ANO4: variants seen among roughly 807,000 people sequenced by gnomAD.
The protein encoded by ANO4 is anoctamin-4.
Under a neutral mutation model 141.9 loss-of-function variants are expected in ANO4, and 69 were observed. The observed-to-expected ratio is 0.49, with a 90% CI of 0.40 to 0.59. The LOEUF is 0.59. ANO4 is among the 20% of genes least tolerant of loss of function. ANO4 has a pLI of 0.00. For missense variants in ANO4, 894 were observed against 1,162.2 expected (o/e 0.77, Z 3.36); for synonymous variants, 350 against 394.3 (o/e 0.89, Z 1.33).
chr12:100,865,533 C>T (rs760755616), intron 1 of ANO4, among the ~76,000 whole-genome samples: 19 of 152,094 alleles, frequency 1.2e-4, no homozygotes, highest in Non-Finnish European at 2.1e-4. Flanking sequence ...GACATTTATG[C>T]GGCCAACAAA....
intron 22 of ANO4, among the ~76,000 whole-genome samples, chr12:101,104,607 GTGTGTGTGTATGTA>G (rs539899246): frequency 0.086 from 7,189 of 83,712 alleles, 717 homozygotes; most frequent in African/African-American, 0.32. Flanking sequence ...GTGTGTGTGT[GTGTGTGTGTATGTA>G]TGTGTGTATA....
intron 2 of ANO4, among the ~76,000 whole-genome samples, chr12:100,909,908 CA>C (rs2041024540): frequency 6.6e-6 from 1 of 152,116 alleles, no homozygotes; most frequent in Non-Finnish European, 1.5e-5. Flanking sequence ...AAATTAAATA[CA>C]ATGTTCCCAA....
intron 15 of ANO4, among the ~76,000 whole-genome samples, chr12:101,081,457 C>T (rs945595129): frequency 6.6e-6 from 1 of 152,134 alleles, no homozygotes; most frequent in Non-Finnish European, 1.5e-5. Flanking sequence ...TGATAAAAAG[C>T]GTGGAGTGCT....
chr12:100,718,488 G>A (rs1246130860), intron 1 of ANO4, among the ~76,000 whole-genome samples: 1 of 152,192 alleles, frequency 6.6e-6, no homozygotes, highest in Non-Finnish European at 1.5e-5. Context: ...CAAAGCCTGG[G>A]ATGGGTGGGA....
At chr12:100,775,783 C>A (rs190970847) in intron 3 of ANO4, among the ~76,000 whole-genome samples, 1 of 151,984 alleles carries the variant, frequency 6.6e-6, no homozygotes, top group Non-Finnish European at 1.5e-5. Flanking sequence ...CAGATTTTTT[C>A]TTCCTATTAC....
At chr12:100,756,282 A>T (rs556304335) in intron 3 of ANO4, among the ~76,000 whole-genome samples, 1 of 152,358 alleles carries the variant, frequency 6.6e-6, no homozygotes, top group Admixed American at 6.5e-5. Context: ...GCCTTCCTAC[A>T]TAATAAGCAG....
intron 3 of ANO4, among the ~76,000 whole-genome samples, chr12:100,760,858 G>C (rs2032827327): frequency 6.6e-6 from 1 of 152,140 alleles, no homozygotes; most frequent in Admixed American, 6.5e-5. Context: ...TTTTGGGCTT[G>C]TTTGGATAGC....
intron 9 of ANO4, among the ~76,000 whole-genome samples, chr12:101,036,277 AAAAC>A (rs1247857818): frequency 2.6e-5 from 4 of 152,184 alleles, no homozygotes; most frequent in Admixed American, 2.6e-4. Flanking sequence ...GCTGTGATGA[AAAAC>A]AATATAGAGG....
intron 15 of ANO4, among the ~76,000 whole-genome samples, chr12:101,080,107 T>C (rs1387683904): frequency 1.3e-5 from 2 of 152,206 alleles, no homozygotes; most frequent in Admixed American, 6.5e-5. Context: ...ACCACTCATA[T>C]GTGTAATAGT....
chr12:100,918,586 C>T lies in ANO4; in HGVS notation c.56-3640C>T, dbSNP rs190989521. 5.3e-5 allele frequency among the ~76,000 whole-genome samples: 8 copies of T among 152,256 alleles called. No homozygotes were observed. The South Asian group carries it at 6.2e-4, about 12-fold the overall frequency. On this transcript the variant is annotated intron_variant, in intron 2 of 27. Transcript: ENST00000392977. The stretch of plus-strand genomic sequence containing the variant: ...TATAATGGAGCTGAAAAATTCCTAT[C>T]GCCTAGTGATGTTGCAGGTGTTGTA...
chr12:100,924,166 G>A (rs1016164929), intron 3 of ANO4, among the ~76,000 whole-genome samples: 5 of 152,096 alleles, frequency 3.3e-5, no homozygotes, highest in Middle Eastern at 3.4e-3. Flanking sequence ...GTCAATTTTG[G>A]CGTTTGTTGC....
At chr12:100,750,157 G>A (rs1197731152) in intron 3 of ANO4, among the ~76,000 whole-genome samples, 1 of 150,170 alleles carries the variant, frequency 6.7e-6, no homozygotes, top group Non-Finnish European at 1.5e-5. Flanking sequence ...TTTCTTTTTA[G>A]ACAGTCTCAC....
At position 100,909,919 on chromosome 12, in the gene ANO4, A is replaced by T. The variant is rs146101795; in HGVS notation, c.55+8079A>T. Among the ~76,000 whole-genome samples, 37 of 152,314 alleles carry T rather than the reference A, an allele frequency of 2.4e-4. No individual in the cohort carries two copies. The East Asian group carries it at 5.0e-3, about 21-fold the overall frequency. On this transcript the variant is annotated intron_variant, in intron 2 of 27. Transcript: ENST00000392977. ...TGCCAAATTAAATACAATGTTCCCA[A>T]TTAAATTTAAATTTCAGATAAACAA...
chr12:100,776,379 T>C (rs1356951746), intron 3 of ANO4, among the ~76,000 whole-genome samples: 1 of 152,150 alleles, frequency 6.6e-6, no homozygotes, highest in African/African-American at 2.4e-5. Flanking sequence ...AGAGCTTGGA[T>C]AAGTTAATGG....
intron 3 of ANO4, among the ~76,000 whole-genome samples, chr12:100,925,812 T>C (rs866554849): frequency 1.4e-5 from 2 of 147,880 alleles, no homozygotes; most frequent in Admixed American, 6.8e-5. Context: ...TATACATACA[T>C]ATACATACAT....
At chr12:101,096,740 T>A in intron 19 of ANO4, 93 bp downstream of exon 19, 1 of 941,574 alleles carries the variant, frequency 1.1e-6, no homozygotes, top group Non-Finnish European at 1.7e-6. Flanking sequence ...TCCCTTAGGG[T>A]GATTTATACA....
chr12:101,088,454 TTTTG>T (rs1315070846), intron 17 of ANO4, among the ~76,000 whole-genome samples: 8 of 152,154 alleles, frequency 5.3e-5, no homozygotes, highest in African/African-American at 1.9e-4. Flanking sequence ...TACTTATTTA[TTTTG>T]TTTATCTGCC....
At chr12:101,109,712 A>G (rs546297265) in intron 22 of ANO4, among the ~76,000 whole-genome samples, 1 of 152,270 alleles carries the variant, frequency 6.6e-6, no homozygotes, top group South Asian at 2.1e-4. Flanking sequence ...CCCCCTACTA[A>G]TTTTAGCATT....
At chr12:100,824,316 T>C (rs1409871685) in intron 1 of ANO4, among the ~76,000 whole-genome samples, 1 of 152,056 alleles carries the variant, frequency 6.6e-6, no homozygotes, top group African/African-American at 2.4e-5. Flanking sequence ...TAAATGTTTG[T>C]TGAATGAGTA....
Sources: allele counts gnomAD v4.1 joint callset (sites outside exome capture counted in the v4.1 genomes callset), GRCh38; gene constraint gnomAD v4.1.1; transcripts MANE v1.5; gene names NCBI Gene and HGNC (gene_info 2026-07-23, HGNC 2026-07-21).